CFAP20DC: variants seen among roughly 807,000 people sequenced by gnomAD.
The protein encoded by CFAP20DC is protein CFAP20DC.
CFAP20DC carries 84 observed loss-of-function variants against 101.7 expected under a neutral mutation model. The observed-to-expected ratio is 0.83, with a 90% CI of 0.69 to 0.99. The LOEUF is 0.99. Among genes scored for constraint, CFAP20DC ranks in the 50% least tolerant of loss-of-function variants. CFAP20DC has a pLI of 0.00. For missense variants in CFAP20DC, 1,007 were observed against 970.3 expected (o/e 1.04, Z -0.50); for synonymous variants, 359 against 351.2 (o/e 1.02, Z -0.25).
intron 4 of CFAP20DC, among the ~76,000 whole-genome samples, chr3:59,034,435 G>A (rs2094056059): frequency 6.6e-6 from 1 of 152,164 alleles, no homozygotes; most frequent in Admixed American, 6.5e-5. Flanking sequence ...TCAGTGTGCT[G>A]TATTCAGCAG....
chr3:58,740,623 A>G (rs2067859581), downstream of CFAP20DC, among the ~76,000 whole-genome samples: 1 of 152,186 alleles, frequency 6.6e-6, no homozygotes, highest in Non-Finnish European at 1.5e-5. The surrounding 1 kb of genome is among the most constrained non-coding windows in gnomAD (Gnocchi z 4.6). Flanking sequence ...AAATCTATTC[A>G]GAGGCCTTAT....
intron 15 of CFAP20DC, among the ~76,000 whole-genome samples, chr3:58,779,429 A>G (rs1228507716): frequency 6.6e-6 from 1 of 152,240 alleles, no homozygotes; most frequent in African/African-American, 2.4e-5. Context: ...AGGTCACTGT[A>G]ATGATAAAAT....
intron 4 of CFAP20DC, among the ~76,000 whole-genome samples, chr3:58,945,165 G>A (rs961531432): frequency 2.6e-5 from 4 of 151,996 alleles, no homozygotes; most frequent in African/African-American, 9.7e-5. Flanking sequence ...GTAAGGCTAG[G>A]TATCTCTCCC....
intron 13 of CFAP20DC, among the ~76,000 whole-genome samples, chr3:58,846,856 C>T (rs1288031218): frequency 1.3e-4 from 19 of 149,234 alleles, no homozygotes; most frequent in Admixed American, 7.3e-4. Flanking sequence ...TCAGAAATAA[C>T]GCCGCATATC....
chr3:58,861,249 A>G lies in CFAP20DC; in HGVS notation c.1593+2309T>C, dbSNP rs2079223679. Reference sequence around the variant, plus strand: ...GGGCTAACATCAAATAAAGTCTTTTAATTACACTTTATAAACTTCAAGCAT... The same window carrying G: ...GGGCTAACATCAAATAAAGTCTTTTGATTACACTTTATAAACTTCAAGCAT... On this transcript the variant is annotated intron_variant, in intron 12 of 16. Coordinates refer to ENST00000482387, the MANE Select transcript of CFAP20DC (RefSeq NM_001394063.1). The surrounding 1 kb of genome is among the most constrained non-coding windows in gnomAD (Gnocchi z 4.0). The G allele has an allele frequency of 1.8e-6, 1 of 542,194 alleles. No individual in the cohort carries two copies. Among genetic ancestry groups the G allele is most frequent in the Admixed American group, 6.4e-5 (1 of 15,710 alleles). 33.6% of individuals were successfully genotyped at this position (542,194 alleles called of 1,614,324 possible). A position where few individuals can be genotyped will look rare whatever the true frequency, so the allele number is the denominator to read the frequency against.
At chr3:58,957,658 G>A (rs926928627) in intron 4 of CFAP20DC, among the ~76,000 whole-genome samples, 4 of 152,096 alleles carry the variant, frequency 2.6e-5, no homozygotes, top group Non-Finnish European at 5.9e-5. Flanking sequence ...ATACAATGGA[G>A]TATTATTCAG....
chr3:58,798,484 G>A (rs2073421729), intron 15 of CFAP20DC, among the ~76,000 whole-genome samples: 1 of 152,214 alleles, frequency 6.6e-6, no homozygotes, highest in Non-Finnish European at 1.5e-5. Flanking sequence ...AGCAAAGAAA[G>A]TGGTTTCTTG....
intron 4 of CFAP20DC, among the ~76,000 whole-genome samples, chr3:58,966,614 C>T (rs974854144): frequency 1.2e-4 from 18 of 151,366 alleles, no homozygotes; most frequent in African/African-American, 4.1e-4. Context: ...ACCTCAGCCT[C>T]CCGGGTTCAA....
intron 10 of CFAP20DC, among the ~76,000 whole-genome samples, chr3:58,867,259 A>G (rs953789980): frequency 6.6e-6 from 1 of 152,226 alleles, no homozygotes; most frequent in Non-Finnish European, 1.5e-5. Flanking sequence ...ATAGACTGAT[A>G]TATGTGTATA....
At chr3:58,821,035 C>A (rs2075597426) in intron 14 of CFAP20DC, among the ~76,000 whole-genome samples, 1 of 151,668 alleles carries the variant, frequency 6.6e-6, no homozygotes, top group Non-Finnish European at 1.5e-5. Context: ...GAAAAACAAG[C>A]AATGGGGAAA....
intron 5 of CFAP20DC, among the ~76,000 whole-genome samples, chr3:58,918,324 C>G (rs1214363413): frequency 4.6e-5 from 7 of 152,102 alleles, no homozygotes; most frequent in Non-Finnish European, 8.8e-5. Flanking sequence ...ACAGGCTCTA[C>G]TACCCTTTTA....
At chr3:59,047,544 G>T (rs1003991086) in intron 1 of CFAP20DC, among the ~76,000 whole-genome samples, 12 of 152,114 alleles carry the variant, frequency 7.9e-5, no homozygotes, top group Non-Finnish European at 1.5e-4. Flanking sequence ...TCGTTTACTT[G>T]ACACATACAG....
Position 58,729,849 on chromosome 3 carries a change from T to C in CFAP20DC, c.198-12221A>G, listed in dbSNP as rs2067610422. Among the ~76,000 whole-genome samples the C allele has an allele frequency of 1.3e-5, 2 of 151,812 alleles. No homozygotes were observed. Among genetic ancestry groups the C allele is most frequent in the South Asian group, 4.2e-4 (2 of 4,798 alleles). The stretch of plus-strand genomic sequence containing the variant: ...GCGTGACCAACACGGAGAAACCCTG[T>C]CTCTACTAAAAATACAAAATTAGCA... On this transcript the variant is annotated intron_variant, in intron 3 of 3. Coordinates refer to the CFAP20DC transcript ENST00000486145. The surrounding 1 kb of genome is among the most constrained non-coding windows in gnomAD (Gnocchi z 4.4).
At chr3:58,921,431 G>A (rs554831911) in intron 5 of CFAP20DC, among the ~76,000 whole-genome samples, 1 of 151,792 alleles carries the variant, frequency 6.6e-6, no homozygotes, top group Non-Finnish European at 1.5e-5. Context: ...ATTTTGGTGT[G>A]CTTTATTTTC....
chr3:58,839,100 G>A (rs1249816469), intron 13 of CFAP20DC, among the ~76,000 whole-genome samples: 1 of 152,230 alleles, frequency 6.6e-6, no homozygotes, highest in East Asian at 1.9e-4. Flanking sequence ...GTTTTAGAAT[G>A]TAAAGCTTTG....
At chr3:58,753,463 T>G (rs1349403855) in intron 16 of CFAP20DC, among the ~76,000 whole-genome samples, 1 of 152,188 alleles carries the variant, frequency 6.6e-6, no homozygotes, top group Non-Finnish European at 1.5e-5. Flanking sequence ...GGTCACACAG[T>G]GGGAACTGGT....
chr3:58,978,141 T>G (rs892766181), intron 4 of CFAP20DC, among the ~76,000 whole-genome samples: 3 of 152,080 alleles, frequency 2.0e-5, no homozygotes, highest in African/African-American at 7.2e-5. Context: ...CGGGGAAGCA[T>G]CAGGCAGCTT....
At chr3:58,796,104 T>C (rs2073222230) in intron 15 of CFAP20DC, among the ~76,000 whole-genome samples, 1 of 152,198 alleles carries the variant, frequency 6.6e-6, no homozygotes, top group African/African-American at 2.4e-5. Context: ...GGACCAGGGA[T>C]ACAATTTGAG....
In CFAP20DC at chr3:58,953,135, T is replaced by C. The variant is rs570969192; in HGVS notation, c.279-15373A>G. On this transcript the variant is annotated intron_variant, in intron 4 of 16. Coordinates refer to ENST00000482387, the MANE Select transcript of CFAP20DC (RefSeq NM_001394063.1). ...GGAAGGCCTCTCACATAAGGCAACG[T>C]TTAAGCTGAGTTGAGCGAAGTAGAG... is the stretch of plus-strand genomic sequence containing the variant. Among the ~76,000 whole-genome samples, 44 of 152,254 alleles carry C rather than the reference T, an allele frequency of 2.9e-4. No individual in the cohort carries two copies. The South Asian group carries it at 9.1e-3, about 32-fold the overall frequency.
Sources: allele counts gnomAD v4.1 joint callset (sites outside exome capture counted in the v4.1 genomes callset), GRCh38; gene constraint gnomAD v4.1.1; non-coding constraint Gnocchi (gnomAD v3.1); transcripts MANE v1.5; gene names NCBI Gene and HGNC (gene_info 2026-07-23, HGNC 2026-07-21).